Variants in CABP1 observed in about 807,000 individuals in gnomAD.
CABP1 encodes the protein calcium-binding protein 1.
CABP1 carries 17 observed loss-of-function variants against 34.3 expected under a neutral mutation model. That is an observed-to-expected ratio of 0.50 (90% CI 0.34 to 0.74). CABP1 has a LOEUF of 0.74. Ranked by LOEUF, CABP1 falls within the 30% of genes least tolerant of loss-of-function variation. The pLI is 0.01. For missense variants in CABP1, 373 were observed against 511.1 expected (o/e 0.73, Z 2.61); for synonymous variants, 198 against 229.2 (o/e 0.86, Z 1.23).
chr12:120,656,111 A>C, intron 1 of CABP1: 1 of 1,614,132 alleles, frequency 6.2e-7, no homozygotes, highest in Non-Finnish European at 8.5e-7. Flanking sequence ...GGAGGAACAG[A>C]CCAGCTACAT....
chr12:120,662,136 A>T (rs898370108), intron 5 of CABP1: 9 of 152,174 alleles, frequency 5.9e-5, no homozygotes, highest in Admixed American at 4.6e-4. Flanking sequence ...CTATCCATTT[A>T]TCTGTCTACC....
At chr12:120,674,996 G>T in the CABP1 span, among the ~76,000 whole-genome samples, 1 of 151,820 alleles carries the variant, frequency 6.6e-6, no homozygotes, top group East Asian at 1.9e-4. Flanking sequence ...ACATGTATAG[G>T]ATGTATGTGT....
At chr12:120,656,358 A>C in intron 1 of CABP1, 1 of 1,276,508 alleles carries the variant, frequency 7.8e-7, no homozygotes, top group Non-Finnish European at 1.0e-6. Context: ...GTCTATACAG[A>C]GCTCACACCC....
intron 1 of CABP1, chr12:120,655,916 T>A: frequency 6.5e-7 from 1 of 1,536,884 alleles, no homozygotes; most frequent in Non-Finnish European, 8.7e-7. Flanking sequence ...CGTCAAGGAT[T>A]GGAGACTCTG....
intron 1 of CABP1, among the ~76,000 whole-genome samples, chr12:120,647,762 A>G (rs1340460703): frequency 9.2e-6 from 1 of 108,120 alleles, no homozygotes; most frequent in Non-Finnish European, 1.9e-5. Context: ...TTTTTTTTTT[A>G]GTAGAGACAG....
At chr12:120,674,792 G>A in the CABP1 span, among the ~76,000 whole-genome samples, 1 of 151,924 alleles carries the variant, frequency 6.6e-6, no homozygotes, top group Non-Finnish European at 1.5e-5. Flanking sequence ...TGGGGAGGCT[G>A]AGGCAGGAGA....
intron 1 of CABP1, among the ~76,000 whole-genome samples, chr12:120,656,627 G>A (rs1011531760): frequency 2.0e-5 from 3 of 152,166 alleles, no homozygotes; most frequent in African/African-American, 4.8e-5. Flanking sequence ...TGGGCGCAGC[G>A]GCTCACGCCT....
chr12:120,678,418 T>C, the CABP1 span, among the ~76,000 whole-genome samples: 1 of 152,180 alleles, frequency 6.6e-6, no homozygotes, highest in African/African-American at 2.4e-5. Flanking sequence ...GAGAAGGGTA[T>C]TTCCCACTCC....
rs372619642 is a variant in CABP1 at position 120,660,747 on chromosome 12, T to C, written c.846T>C (p.Asp282=). 5.6e-6 allele frequency: 9 copies of C among 1,613,116 alleles called. No individual in the cohort carries two copies. The highest frequency in any genetic ancestry group is 1.6e-4 in the Middle Eastern group (1 of 6,078). The change falls in exon 4 of 6, where the codon GAT becomes GAC. Residue 282 remains aspartate, a synonymous_variant. Transcript: ENST00000316803. The surrounding 1 kb of genome is among the most constrained non-coding windows in gnomAD (Gnocchi z 5.0). ...QINMNLGGHV[D]FDDFVELMGP... is the part of the protein sequence containing the mutation. ...CTTTTCCAGTGGGTGGCCATGTAGATTTTGATGACTTCGTGGAGCTAATGG... is the reference window on the plus strand; with the variant it reads ...CTTTTCCAGTGGGTGGCCATGTAGACTTTGATGACTTCGTGGAGCTAATGG...
the CABP1 span, among the ~76,000 whole-genome samples, chr12:120,679,815 G>A: frequency 3.3e-5 from 5 of 151,098 alleles, no homozygotes; most frequent in East Asian, 2.0e-4. Flanking sequence ...CAACAAGAGC[G>A]AAACTCTGTC....
downstream of CABP1, among the ~76,000 whole-genome samples, chr12:120,668,999 T>C (rs957604896): frequency 6.6e-6 from 1 of 152,162 alleles, no homozygotes; most frequent in Non-Finnish European, 1.5e-5. Context: ...AGGATGCTGA[T>C]GCTGCCAGTC....
intron 1 of CABP1, among the ~76,000 whole-genome samples, chr12:120,647,332 C>T (rs1879583638): frequency 6.6e-6 from 1 of 151,820 alleles, no homozygotes; most frequent in African/African-American, 2.4e-5. Flanking sequence ...AAACTGAAGC[C>T]GAGAAAGATC....
Position 120,660,137 on chromosome 12 carries a change from C to T in CABP1, c.686-59C>T. 1 of 1,599,952 alleles carries T rather than the reference C, an allele frequency of 6.3e-7. No homozygotes were observed. On this transcript the variant is annotated intron_variant, in intron 2 of 5. Coordinates refer to ENST00000316803, the MANE Select transcript of CABP1 (RefSeq NM_001033677.2). The surrounding 1 kb of genome is among the most constrained non-coding windows in gnomAD (Gnocchi z 5.0). ...CCGGTGGGCCTTTGGGCTGCCTTTG[C>T]CCACAGAGGCTCTGCGGGTCCTACC... is the stretch of plus-strand genomic sequence containing the variant.
At chr12:120,643,715 G>A (rs1726118033) in intron 1 of CABP1, among the ~76,000 whole-genome samples, 1 of 152,232 alleles carries the variant, frequency 6.6e-6, no homozygotes, top group Non-Finnish European at 1.5e-5. Context: ...ACAGGCATGA[G>A]CCACCGTGCT....
downstream of CABP1, among the ~76,000 whole-genome samples, chr12:120,668,225 C>T (rs755254965): frequency 2.0e-5 from 3 of 152,156 alleles, no homozygotes; most frequent in South Asian, 2.1e-4. Context: ...GGCTGCGCGC[C>T]GTGGCTCATG....
chr12:120,674,815 C>T, the CABP1 span, among the ~76,000 whole-genome samples: 2 of 151,402 alleles, frequency 1.3e-5, no homozygotes, highest in Non-Finnish European at 1.5e-5. Flanking sequence ...CGCTTGAACC[C>T]GGGAGGCAGA....
chr12:120,664,865 ACT>A (rs900343039), intron 5 of CABP1, among the ~76,000 whole-genome samples: 8 of 148,112 alleles, frequency 5.4e-5, no homozygotes, highest in Non-Finnish European at 8.9e-5. Context: ...ACAGAGCAAG[ACT>A]CTGTCTCAAA....
chr12:120,666,022 A>G (rs1880954553), intron 5 of CABP1, among the ~76,000 whole-genome samples: 1 of 149,680 alleles, frequency 6.7e-6, no homozygotes, highest in Admixed American at 6.7e-5. Context: ...TGTCTCAAAA[A>G]AAAAAAAAAG....
rs1356828007 is a variant in CABP1 at position 120,667,176 on chromosome 12, G to A, written c.*276G>A. The A allele has an allele frequency of 9.0e-6, 5 of 557,772 alleles. No homozygotes were observed. The highest frequency in any genetic ancestry group is 4.8e-4 in the Middle Eastern group (1 of 2,100). The allele number at this position is 557,772 out of a possible 1,614,324, so 34.6% of individuals were successfully genotyped here. A position where few individuals can be genotyped will look rare whatever the true frequency, so the allele number is the denominator to read the frequency against. On this transcript the variant is annotated 3_prime_UTR_variant, in exon 6 of 6. Transcript: ENST00000316803. The stretch of plus-strand genomic sequence containing the variant: ...GGCGCCAAGGGCCATGTGCCCAGCT[G>A]CTGCTGGCTGGGTGGGCCAGGGAGC...
Sources: gnomAD v4.1 joint callset for allele counts (sites outside exome capture counted in the v4.1 genomes callset) on GRCh38, gnomAD v4.1.1 for gene constraint, Gnocchi (gnomAD v3.1) non-coding constraint, MANE v1.5 for transcripts, NCBI Gene and HGNC (gene_info 2026-07-23, HGNC 2026-07-21) for gene names.